The following TAOK3 variants were observed in gnomAD, a reference collection of about 807,000 sequenced individuals.
TAOK3 encodes the protein serine/threonine-protein kinase TAO3.
Under a neutral mutation model 120.4 loss-of-function variants are expected in TAOK3, and 40 were observed. The observed-to-expected ratio is 0.33, with a 90% confidence interval of 0.26 to 0.43. The LOEUF is 0.43. Ranked by LOEUF, TAOK3 falls within the 20% of genes least tolerant of loss-of-function variation. TAOK3 has a pLI of 1.00. For missense variants in TAOK3, 821 were observed against 1,112.1 expected, an observed-to-expected ratio of 0.74 and a Z score of 3.72; for synonymous variants, 355 against 387.5, an observed-to-expected ratio of 0.92 and a Z score of 0.99.
intron 3 of TAOK3, among the ~76,000 whole-genome samples, chr12:118,249,922 CA>C (rs2040677389): frequency 6.6e-6 from 1 of 152,028 alleles, no homozygotes; most frequent in South Asian, 2.1e-4. Context: ...TAATTATATC[CA>C]GAAAGATAGA....
chr12:118,206,480 C>T (rs1294972771), intron 11 of TAOK3, among the ~76,000 whole-genome samples: 1 of 152,230 alleles, frequency 6.6e-6, no homozygotes, highest in Non-Finnish European at 1.5e-5. Flanking sequence ...CTCCTTCCTA[C>T]ACAATTCTAG....
intron 1 of TAOK3, among the ~76,000 whole-genome samples, chr12:118,279,485 G>T (rs997848111): frequency 6.6e-6 from 1 of 150,474 alleles, no homozygotes. Flanking sequence ...TGTAATCTTC[G>T]CCAGGTCCTA....
intron 3 of TAOK3, among the ~76,000 whole-genome samples, chr12:118,248,969 T>C (rs1021074211): frequency 3.3e-5 from 5 of 152,060 alleles, no homozygotes; most frequent in African/African-American, 9.7e-5. Context: ...ACATGCTAGA[T>C]AGAAACTTAA....
intron 19 of TAOK3, among the ~76,000 whole-genome samples, chr12:118,158,158 C>G (rs989699369): frequency 3.9e-5 from 6 of 152,184 alleles, no homozygotes; most frequent in African/African-American, 1.4e-4. Context: ...CTGTGACATG[C>G]TCTCTTCGGG....
chr12:118,231,321 TCTG>T (rs1000433311), intron 9 of TAOK3, among the ~76,000 whole-genome samples: 14 of 152,216 alleles, frequency 9.2e-5, no homozygotes, highest in African/African-American at 3.4e-4. Context: ...ACCTTGTGAT[TCTG>T]CTACCTAATT....
chr12:118,313,284 C>CT (rs931357348), intron 1 of TAOK3, among the ~76,000 whole-genome samples: 11 of 150,384 alleles, frequency 7.3e-5, no homozygotes, highest in East Asian at 1.9e-4. Flanking sequence ...TTTATTTTAT[C>CT]TTTTTTTTTG....
intron 9 of TAOK3, among the ~76,000 whole-genome samples, chr12:118,222,171 A>G (rs1478351676): frequency 6.6e-6 from 1 of 152,160 alleles, no homozygotes; most frequent in Non-Finnish European, 1.5e-5. Context: ...ATGTATGTTT[A>G]TCACAGCCCA....
chr12:118,298,296 A>G (rs1035131602), intron 1 of TAOK3, among the ~76,000 whole-genome samples: 6 of 152,210 alleles, frequency 3.9e-5, no homozygotes, highest in African/African-American at 1.4e-4. Flanking sequence ...TAAAATGCAG[A>G]TTCCTAGTTT....
In TAOK3 at chr12:118,324,734, C is replaced by CTT. The variant is rs35462737; in HGVS notation, c.-194+47912_-194+47913dup. On this transcript the variant is annotated intron_variant, in intron 1 of 20. Transcript: ENST00000392533. ...TTGTTGCAAAGGACAGAATTTCATT[C>CTT]TTTTTTTTTTTTTTTTTTTTTTTTT... Among the ~76,000 whole-genome samples the CTT allele has an allele frequency of 4.0e-3, 282 of 69,654 alleles. 26 individuals carry two copies. The highest frequency in any genetic ancestry group is 5.6e-3 in the Non-Finnish European group (204 of 36,730). 45.7% of individuals were successfully genotyped at this position (69,654 alleles called of 152,430 possible). A position where few individuals can be genotyped will look rare whatever the true frequency, so the allele number is the denominator to read the frequency against.
At chr12:118,241,096 TTA>T (rs1467686076) in intron 5 of TAOK3, among the ~76,000 whole-genome samples, 2 of 150,204 alleles carry the variant, frequency 1.3e-5, no homozygotes, top group African/African-American at 4.9e-5. Context: ...TTACATATGA[TTA>T]TGTCTTATAT....
intron 4 of TAOK3, among the ~76,000 whole-genome samples, chr12:118,244,540 T>TC (rs1221085971): frequency 6.7e-6 from 1 of 148,226 alleles, no homozygotes; most frequent in Non-Finnish European, 1.5e-5. Flanking sequence ...TTTCTTTTTT[T>TC]TTTTTTGAGA....
At chr12:118,310,930 A>G (rs1030963590) in intron 1 of TAOK3, among the ~76,000 whole-genome samples, 1 of 152,164 alleles carries the variant, frequency 6.6e-6, no homozygotes, top group Non-Finnish European at 1.5e-5. Flanking sequence ...TTATTCCCCC[A>G]CAAATAATAG....
chr12:118,151,348 G>A (rs570059636), intron 20 of TAOK3, among the ~76,000 whole-genome samples, 190 bp from the exon 21 acceptor site: 2 of 152,078 alleles, frequency 1.3e-5, no homozygotes, highest in East Asian at 3.9e-4. Flanking sequence ...AGGAAGGCTG[G>A]CTGAGTCCTG....
chr12:118,290,488 TA>T (rs1459299831), intron 1 of TAOK3, among the ~76,000 whole-genome samples: 2 of 152,232 alleles, frequency 1.3e-5, no homozygotes, highest in Admixed American at 6.5e-5. Context: ...TGTTAACATT[TA>T]TTTCAGACAC....
intron 1 of TAOK3, chr12:118,359,651 T>A (rs2045525007): frequency 6.6e-6 from 1 of 152,208 alleles, no homozygotes; most frequent in African/African-American, 2.4e-5. Context: ...GAACTGCAGA[T>A]AAAAACAGCG....
In TAOK3 at chr12:118,275,942, T is replaced by A. The variant is rs577122906; in HGVS notation, c.-193-9183A>T. The stretch of plus-strand genomic sequence containing the variant: ...GGTACAGGCGAGGGAATAGCAAGAT[T>A]GTTTTGTGTACTCCAGAAAACGCCA... On this transcript the variant is annotated intron_variant, in intron 1 of 20. Coordinates refer to ENST00000392533, the MANE Select transcript of TAOK3 (RefSeq NM_016281.4). 8.0e-4 allele frequency among the ~76,000 whole-genome samples: 122 copies of A among 152,186 alleles called. 1 individual carries two copies. Among genetic ancestry groups the A allele is most frequent in the Non-Finnish European group, 1.1e-3 (74 of 68,018 alleles).
intron 11 of TAOK3, among the ~76,000 whole-genome samples, chr12:118,210,301 G>C (rs777546612): frequency 6.6e-6 from 1 of 152,066 alleles, no homozygotes; most frequent in African/African-American, 2.4e-5. Context: ...CTAAATGTGT[G>C]GGGCTCGAAG....
chr12:118,287,239 TA>T (rs1001718927), intron 1 of TAOK3, among the ~76,000 whole-genome samples: 1 of 152,118 alleles, frequency 6.6e-6, no homozygotes, highest in African/African-American at 2.4e-5. Context: ...AAATTAAATT[TA>T]AAAAAGAACC....
At position 118,172,648 on chromosome 12, in the gene TAOK3, C is replaced by G; in HGVS notation, c.1708G>C (p.Asp570His). The G allele has an allele frequency of 6.2e-7, 1 of 1,614,052 alleles. No homozygotes were observed. Among genetic ancestry groups the G allele is most frequent in the East Asian group, 2.2e-5 (1 of 44,882 alleles). The change falls in exon 17 of 21, where the codon GAC becomes CAC. Residue 570 changes from aspartate (D) to histidine (H), a missense_variant. By Grantham distance (81) the Asp-to-His change is moderately conservative. Around this residue, in one of 2 missense-constraint regions of TAOK3, gnomAD observed 354 missense variants for 572.1 expected, o/e 0.62. Transcript: ENST00000392533. ...TTCTCTTTCTTGGGTGTGCTATGGT[C>G]CTCATTCATTTCCTAAAAAGAACAG... ...KEKIKEEMNE[D>H]HSTPKKEKQE...
Sources: allele counts gnomAD v4.1 joint callset (sites outside exome capture counted in the v4.1 genomes callset), GRCh38; gene constraint gnomAD v4.1.1; regional missense constraint gnomAD v4.1.1; transcripts MANE v1.5; gene names NCBI Gene and HGNC (gene_info 2026-07-23, HGNC 2026-07-21).